The following PTHLH variants were observed in gnomAD, a reference collection of about 807,000 sequenced individuals.
PTHLH encodes the protein parathyroid hormone-related protein.
Under a neutral mutation model 18.6 loss-of-function variants are expected in PTHLH, and 5 were observed. That is an observed-to-expected ratio of 0.27 (90% confidence interval 0.14 to 0.56). The LOEUF (loss-of-function observed/expected upper bound fraction) is 0.56, where lower values mean the gene tolerates loss of function less well. Ranked by LOEUF, PTHLH falls within the 20% of genes least tolerant of loss-of-function variation. The pLI, the probability that PTHLH is intolerant of heterozygous loss-of-function variation, is 0.92. For missense variants in PTHLH, 207 were observed against 223.9 expected (o/e 0.92, Z 0.48); for synonymous variants, 90 against 94.0 (o/e 0.96, Z 0.25).
intron 4 of PTHLH, among the ~76,000 whole-genome samples, chr12:27,964,474 AG>A (rs2062794326): frequency 1.0e-4 from 1 of 9,944 alleles, no homozygotes; most frequent in Non-Finnish European, 4.7e-4. Context: ...CAATCGTCAG[AG>A]AGAGAGAGAG....
At position 27,969,480 on chromosome 12, in the gene PTHLH, C is replaced by T; in HGVS notation, c.15G>A (p.Leu5=). 1 of 1,586,658 alleles carries T rather than the reference C, an allele frequency of 6.3e-7. No homozygotes were observed. Among genetic ancestry groups the T allele is most frequent in the Non-Finnish European group, 8.6e-7 (1 of 1,168,248 alleles). MQRR[L]VQQWSVAVFL... ...ACACCGCGACGCTCCACTGCTGAAC[C>T]AGTCTCCGCTGCATCGTCTCCGCTC... is the stretch of plus-strand genomic sequence containing the variant. The change falls in exon 4 of 6, where the codon CTG becomes CTA. Residue 5 remains leucine (L), a synonymous_variant. Transcript: ENST00000545234.
intron 2 of PTHLH, 78 bp from the exon 3 acceptor site, chr12:27,970,345 T>TGGCG (rs1295788044): frequency 3.4e-5 from 5 of 147,386 alleles, no homozygotes; most frequent in Admixed American, 2.0e-4. Context: ...GCAGGCGGGC[T>TGGCG]GGCGGGCGGG....
At chr12:27,969,079 C>A in intron 4 of PTHLH, 1 of 368,302 alleles carries the variant, frequency 2.7e-6, no homozygotes, top group Non-Finnish European at 5.1e-6. Flanking sequence ...TGACAGTAAC[C>A]ACCACCCCCC....
chr12:27,961,360 C>A (rs1344091808), intron 5 of PTHLH, among the ~76,000 whole-genome samples: 1 of 95,736 alleles, frequency 1.0e-5, no homozygotes. Context: ...AACATATCCC[C>A]CTAGATAGAT....
intron 4 of PTHLH, among the ~76,000 whole-genome samples, chr12:27,964,703 G>GA (rs2062796797): frequency 6.6e-6 from 1 of 151,782 alleles, no homozygotes; most frequent in African/African-American, 2.4e-5. Context: ...AATTCTCTAG[G>GA]AAAAAATATA....
intron 5 of PTHLH, chr12:27,962,980 G>T: frequency 1.7e-6 from 2 of 1,151,242 alleles, no homozygotes; most frequent in Non-Finnish European, 2.1e-6. Flanking sequence ...AAGAAAGTTT[G>T]CCCAGGTGTG....
chr12:27,963,778 A>G lies in PTHLH; in HGVS notation c.102-8T>C. Reference sequence around the variant, plus strand: ...TCAGACACAGCTCTTTTGCTTTGAAAGAAAATATTAGAGGGGAAGAAAACA... The same window carrying G: ...TCAGACACAGCTCTTTTGCTTTGAAGGAAAATATTAGAGGGGAAGAAAACA... On this transcript the variant is annotated splice_polypyrimidine_tract_variant and splice_region_variant and intron_variant, in intron 4 of 5. Transcript: ENST00000545234. The G allele has an allele frequency of 6.2e-7, 1 of 1,613,752 alleles. No individual in the cohort carries two copies. Among genetic ancestry groups the G allele is most frequent in the Non-Finnish European group, 8.5e-7 (1 of 1,179,774 alleles).
chr12:27,962,950 G>A, intron 5 of PTHLH: 9 of 1,112,340 alleles, frequency 8.1e-6, no homozygotes, highest in Non-Finnish European at 9.9e-6. Context: ...GTGAAAGAAC[G>A]TAAGAAATGA....
At chr12:27,967,339 CTTATTG>C (rs2062823335) in intron 4 of PTHLH, among the ~76,000 whole-genome samples, 1 of 152,026 alleles carries the variant, frequency 6.6e-6, no homozygotes, top group South Asian at 2.1e-4. Flanking sequence ...TTTAGGAAGT[CTTATTG>C]TTATAGTAAT....
chr12:27,965,846 T>C (rs1181681466), intron 4 of PTHLH, among the ~76,000 whole-genome samples: 2 of 152,234 alleles, frequency 1.3e-5, no homozygotes, highest in East Asian at 3.8e-4. Flanking sequence ...ATAGGACAGA[T>C]ATAATTGCAT....
chr12:27,964,193 C>T (rs1013065128), intron 4 of PTHLH, among the ~76,000 whole-genome samples: 1 of 151,870 alleles, frequency 6.6e-6, no homozygotes, highest in African/African-American at 2.4e-5. Flanking sequence ...ATCTAGAAGT[C>T]CCAGCCTGGG....
At position 27,963,532 on chromosome 12, in the gene PTHLH, A is replaced by G. The variant is rs769825766; in HGVS notation, c.340T>C (p.Tyr114His). The G allele has an allele frequency of 4.3e-6, 7 of 1,613,896 alleles. No homozygotes were observed. The highest frequency in any genetic ancestry group is 2.2e-5 in the East Asian group (1 of 44,862). ...LTQETNKVET[Y>H]KEQPLKTPGK... ...GGTGTCTTGAGCGGCTGCTCTTTGT[A>G]CGTCTCCACCTTGTTAGTTTCCTGA... Residue 114 changes from tyrosine (Y) to histidine (H), a missense_variant, in exon 5 of 6, where the codon TAC becomes CAC. Coordinates refer to ENST00000545234, the MANE Select transcript of PTHLH (RefSeq NM_198965.2).
chr12:27,962,652 C>A, intron 5 of PTHLH: 1 of 985,058 alleles, frequency 1.0e-6, no homozygotes, highest in East Asian at 1.1e-4. Flanking sequence ...TGCCAATGAA[C>A]AAAAAGATAC....
intron 4 of PTHLH, chr12:27,969,104 T>C: frequency 2.4e-6 from 1 of 409,914 alleles, no homozygotes; most frequent in South Asian, 3.2e-5. Flanking sequence ...TTTTTTCTTT[T>C]CCACTAGAGG....
At chr12:27,967,439 C>T (rs1179415445) in intron 4 of PTHLH, among the ~76,000 whole-genome samples, 4 of 151,930 alleles carry the variant, frequency 2.6e-5, no homozygotes, top group East Asian at 3.8e-4. Flanking sequence ...GTGTGAAAAC[C>T]GGGGAGTAAT....
intron 5 of PTHLH, among the ~76,000 whole-genome samples, chr12:27,961,324 T>C (rs971438935): frequency 7.8e-6 from 1 of 128,302 alleles, no homozygotes; most frequent in African/African-American, 2.7e-5. Flanking sequence ...TATATATACG[T>C]ATATATATAC....
chr12:27,964,466 A>G (rs942836625), intron 4 of PTHLH, among the ~76,000 whole-genome samples: 1 of 119,518 alleles, frequency 8.4e-6, no homozygotes. Context: ...TTGAAGGCCA[A>G]TCGTCAGAGA....
Position 27,963,317 on chromosome 12 carries a change from G to A in PTHLH, c.524+31C>T, listed in dbSNP as rs188928310. 1.9e-4 allele frequency: 311 copies of A among 1,614,104 alleles called. 5 individuals are homozygous for A. The Admixed American group carries it at 4.2e-3, about 22-fold the overall frequency. ...TCCAAAACCCAGCTGAGAGCACCCC[G>A]CTGAGGCTACGGGCCAGAGAAGCCT... On this transcript the variant is annotated intron_variant, in intron 5 of 5. Coordinates refer to ENST00000545234, the MANE Select transcript of PTHLH (RefSeq NM_198965.2).
chr12:27,965,813 C>A (rs553668865), intron 4 of PTHLH, among the ~76,000 whole-genome samples: 7 of 152,236 alleles, frequency 4.6e-5, no homozygotes, highest in South Asian at 2.1e-4. Context: ...GTATTTATAT[C>A]CTTTAATAAC....
Sources: allele counts gnomAD v4.1 joint callset (sites outside exome capture counted in the v4.1 genomes callset), GRCh38; gene constraint gnomAD v4.1.1; transcripts MANE v1.5; gene names NCBI Gene and HGNC (gene_info 2026-07-23, HGNC 2026-07-21).